PREX1: variants seen among roughly 807,000 people sequenced by gnomAD.
PREX1 encodes the protein phosphatidylinositol 3,4,5-trisphosphate-dependent Rac exchanger 1 protein.
PREX1 carries 41 observed loss-of-function variants against 198.3 expected under a neutral mutation model. That is an observed-to-expected ratio of 0.21 (90% CI 0.16 to 0.27). PREX1 has a LOEUF of 0.27. Among genes scored for constraint, PREX1 ranks in the 10% least tolerant of loss-of-function variants. The pLI, the probability that PREX1 is intolerant of heterozygous loss-of-function variation, is 1.00. For synonymous variants in PREX1, 843 were observed against 887.2 expected (o/e 0.95, Z 0.89); for missense variants, 1,620 against 2,200.7 (o/e 0.74, Z 5.28).
chr20:48,793,638 T>A (rs1016864503), intron 1 of PREX1, among the ~76,000 whole-genome samples: 1 of 152,196 alleles, frequency 6.6e-6, no homozygotes, highest in Non-Finnish European at 1.5e-5. Context: ...GTCACAGCCA[T>A]AGGGATCTGG....
Position 48,671,890 on chromosome 20 carries a change from C to G in PREX1, c.1665+4303G>C, listed in dbSNP as rs117301523. On this transcript the variant is annotated intron_variant, in intron 14 of 39. Transcript: ENST00000371941. Reference sequence around the variant, plus strand: ...CACACCAGGCCAAGCCACAGATAGGCTGCTGAAGTGGATGGACACATTGCA... The same window carrying G: ...CACACCAGGCCAAGCCACAGATAGGGTGCTGAAGTGGATGGACACATTGCA... 7.1e-3 allele frequency among the ~76,000 whole-genome samples: 1,076 copies of G among 152,366 alleles called. 6 individuals carry two copies. The highest frequency in any genetic ancestry group is 0.012 in the Admixed American group (189 of 15,310).
chr20:48,707,110 G>A (rs555133407), intron 6 of PREX1, among the ~76,000 whole-genome samples: 1 of 152,338 alleles, frequency 6.6e-6, no homozygotes, highest in African/African-American at 2.4e-5. Flanking sequence ...ACAGGAAGCT[G>A]GCGCCCGGGC....
intron 15 of PREX1, among the ~76,000 whole-genome samples, chr20:48,662,703 C>T (rs1393579422): frequency 6.6e-6 from 1 of 152,262 alleles, no homozygotes; most frequent in Non-Finnish European, 1.5e-5. Flanking sequence ...ATCGCCCATC[C>T]TGCACCTCAC....
chr20:48,862,827 T>A, the PREX1 span, among the ~76,000 whole-genome samples: 3 of 120,058 alleles, frequency 2.5e-5, no homozygotes, highest in Admixed American at 8.0e-5. Context: ...ATAAACGTTA[T>A]TTTTTTTTTT....
intron 13 of PREX1, 62 bp downstream of exon 13, chr20:48,679,298 C>A: frequency 6.7e-7 from 1 of 1,500,222 alleles, no homozygotes; most frequent in East Asian, 2.3e-5. Flanking sequence ...AAGTTGCCAG[C>A]CCAAGGCCAC....
chr20:48,754,696 C>T (rs1165605154), intron 1 of PREX1, among the ~76,000 whole-genome samples: 6 of 73,004 alleles, frequency 8.2e-5, no homozygotes, highest in East Asian at 4.1e-4. Flanking sequence ...CAAAGGGAAG[C>T]GATGAGTGGG....
chr20:48,691,996 C>A lies in PREX1; in HGVS notation c.1036+676G>T, dbSNP rs1026884053. On this transcript the variant is annotated intron_variant, in intron 8 of 39. Transcript: ENST00000371941. This position sits in a 1 kb window ranked among gnomAD's most constrained non-coding sequence, Gnocchi z 5.0. ...CATCGAACTCCTGGGCTAAGATGAT[C>A]CTCCCACCTCAGCCTCCACAGTAGC... Among the ~76,000 whole-genome samples, 1 of 152,126 alleles carries A rather than the reference C, an allele frequency of 6.6e-6. No homozygotes were observed. Among genetic ancestry groups the A allele is most frequent in the Admixed American group, 6.5e-5 (1 of 15,280 alleles).
In PREX1 at chr20:48,627,574, C is replaced by T; in HGVS notation, c.4911G>A (p.Lys1637=). The change falls in exon 39 of 40, where the codon AAG becomes AAA. Residue 1637 remains lysine, a synonymous_variant. Coordinates refer to ENST00000371941, the MANE Select transcript of PREX1 (RefSeq NM_020820.4). Reference sequence around the variant, plus strand: ...GCGGAGCACCCTGGGGCATCTGGTCCTTGACTCGCAGGTTTTTGGCCAGAA... The same window carrying T: ...GCGGAGCACCCTGGGGCATCTGGTCTTTGACTCGCAGGTTTTTGGCCAGAA... ...VEILAKNLRV[K]DQMPQGAPRL... is the part of the protein sequence containing the mutation. 1 of 1,613,606 alleles carries T rather than the reference C, an allele frequency of 6.2e-7. No individual in the cohort carries two copies. The highest frequency in any genetic ancestry group is 8.5e-7 in the Non-Finnish European group (1 of 1,179,876).
chr20:48,779,648 G>C (rs113446725), intron 1 of PREX1, among the ~76,000 whole-genome samples: 2,493 of 152,136 alleles, frequency 0.016, 65 homozygotes, highest in African/African-American at 0.057. Flanking sequence ...ATCCAAACAA[G>C]GGAGTACTAC....
intron 7 of PREX1, among the ~76,000 whole-genome samples, chr20:48,699,696 C>T (rs903077075): frequency 2.6e-5 from 4 of 152,176 alleles, no homozygotes; most frequent in Admixed American, 2.6e-4. Flanking sequence ...ACCAACCCAC[C>T]TTCCCAATTA....
chr20:48,650,271 C>T, intron 23 of PREX1, 65 bp from the exon 24 acceptor site: 3 of 1,475,760 alleles, frequency 2.0e-6, no homozygotes, highest in Non-Finnish European at 9.4e-7. Context: ...TGGCCCATAC[C>T]CAGTACCCAC....
At chr20:48,855,014 G>A in the PREX1 span, among the ~76,000 whole-genome samples, 1 of 152,036 alleles carries the variant, frequency 6.6e-6, no homozygotes, top group Non-Finnish European at 1.5e-5. Context: ...CACCTCTCAG[G>A]GCTGTTTTAG....
At chr20:48,805,115 G>A (rs112970239) in intron 1 of PREX1, among the ~76,000 whole-genome samples, 8,497 of 152,192 alleles carry the variant, frequency 0.056, 314 homozygotes, top group African/African-American at 0.094. Context: ...CCTTACCACC[G>A]GGCTGCCAGT....
chr20:48,716,166 G>A (rs901502143), intron 5 of PREX1, among the ~76,000 whole-genome samples: 2 of 152,186 alleles, frequency 1.3e-5, no homozygotes, highest in Non-Finnish European at 2.9e-5. Context: ...CAGGAGCCAG[G>A]CTGATGGCCT....
rs557707075 is a variant in PREX1, at chr20:48,649,663, G to A, written c.3029-87C>T. 119 of 1,415,322 alleles carry A rather than the reference G, an allele frequency of 8.4e-5. 1 individual carries two copies. The African/African-American group carries it at 1.6e-3, about 19-fold the overall frequency. The allele number at this position is 1,415,322 out of a possible 1,614,324, so 87.7% of individuals were successfully genotyped here. A position where few individuals can be genotyped will look rare whatever the true frequency, so the allele number is the denominator to read the frequency against. On this transcript the variant is annotated intron_variant, in intron 24 of 39. Coordinates refer to ENST00000371941, the MANE Select transcript of PREX1 (RefSeq NM_020820.4). The stretch of plus-strand genomic sequence containing the variant: ...GCGGAACAATACAAACCCATTTCAA[G>A]GATCCCAATGAAGGAGAAAAATGTC...
the PREX1 span, among the ~76,000 whole-genome samples, chr20:48,881,284 T>TA: frequency 3.9e-5 from 6 of 152,070 alleles, no homozygotes; most frequent in Non-Finnish European, 4.4e-5. Flanking sequence ...TTTTCCATAA[T>TA]AAAAAAAGAA....
chr20:48,642,182 T>C lies in PREX1; in HGVS notation c.3761A>G (p.Asn1254Ser), dbSNP rs778979867. The change falls in exon 29 of 40, where the codon AAC becomes AGC. Residue 1254 changes from asparagine (N) to serine (S), a missense_variant. Asn to Ser is a conservative substitution (Grantham distance 46). This residue lies in a region of PREX1 where 476 missense variants were observed against 603.4 expected (regional missense o/e 0.79). Coordinates refer to ENST00000371941, the MANE Select transcript of PREX1 (RefSeq NM_020820.4). The stretch of plus-strand genomic sequence containing the variant: ...TATCCCCTCACCTTGTAAGCTGTGG[T>C]TCATAGGGAAATGCTTGGTCTCTTC... ...AFEETKHFPMNHSLQEFKQKE... is the reference protein window; with the variant it reads ...AFEETKHFPMSHSLQEFKQKE... The C allele has an allele frequency of 6.2e-7, 1 of 1,614,110 alleles. No individual in the cohort carries two copies. Among genetic ancestry groups the C allele is most frequent in the Non-Finnish European group, 8.5e-7 (1 of 1,179,970 alleles).
At position 48,811,525 on chromosome 20, in the gene PREX1, T is replaced by TAC. The variant is rs375616151; in HGVS notation, c.219+16115_219+16116dup. On this transcript the variant is annotated intron_variant, in intron 1 of 39. Coordinates refer to ENST00000371941, the MANE Select transcript of PREX1 (RefSeq NM_020820.4). ...TCAATGACTTCTGACCAGAGTTGGA[T>TAC]ACACACACACACACACGTGTGCATG... is the stretch of plus-strand genomic sequence containing the variant. Among the ~76,000 whole-genome samples the TAC allele has an allele frequency of 2.4e-3, 358 of 150,436 alleles. 2 individuals are homozygous for TAC. Among genetic ancestry groups the TAC allele is most frequent in the Non-Finnish European group, 3.0e-3 (200 of 67,486 alleles).
chr20:48,733,748 TTTTTG>T (rs1286286810), intron 4 of PREX1, among the ~76,000 whole-genome samples: 4 of 105,870 alleles, frequency 3.8e-5, no homozygotes, highest in Admixed American at 3.7e-4. Flanking sequence ...TTTTTGGGTT[TTTTTG>T]TTTTTTGTTT....
Sources: allele counts gnomAD v4.1 joint callset (sites outside exome capture counted in the v4.1 genomes callset), GRCh38; gene constraint gnomAD v4.1.1; regional missense constraint gnomAD v4.1.1; non-coding constraint Gnocchi (gnomAD v3.1); transcripts MANE v1.5; gene names NCBI Gene and HGNC (gene_info 2026-07-23, HGNC 2026-07-21).